The following HCRTR2 variants were observed in gnomAD, a reference collection of about 807,000 sequenced individuals.
HCRTR2 encodes the protein orexin receptor type 2.
A neutral mutation model predicts 49.0 loss-of-function variants in HCRTR2; 22 were observed. The ratio of observed to expected loss-of-function variants is 0.45; its 90% confidence interval spans 0.32 to 0.64. HCRTR2 has a LOEUF of 0.64. Among genes scored for constraint, HCRTR2 ranks in the 30% least tolerant of loss-of-function variants. HCRTR2 has a pLI of 0.04. For synonymous variants in HCRTR2, 236 were observed against 205.3 expected (o/e 1.15, Z -1.28); for missense variants, 491 against 559.4 (o/e 0.88, Z 1.23).
intron 1 of HCRTR2, among the ~76,000 whole-genome samples, chr6:55,198,923 G>A (rs919061480): frequency 1.3e-5 from 2 of 152,128 alleles, no homozygotes; most frequent in Admixed American, 6.5e-5. Context: ...AGATGAAATG[G>A]CCTCAGGCCT....
At chr6:55,139,566 C>T (rs1764479311) in intron 1 of HCRTR2, among the ~76,000 whole-genome samples, 1 of 152,122 alleles carries the variant, frequency 6.6e-6, no homozygotes. Context: ...TCTTTAAGGT[C>T]TCAGCTCCAC....
chr6:55,165,297 T>C (rs1026656397), intron 1 of HCRTR2, among the ~76,000 whole-genome samples: 2 of 152,068 alleles, frequency 1.3e-5, no homozygotes, highest in Middle Eastern at 3.4e-3. Context: ...AGTATTCAAA[T>C]ACAAGGTTAT....
chr6:55,252,669 G>A (rs1766574547), intron 2 of HCRTR2, among the ~76,000 whole-genome samples: 1 of 152,014 alleles, frequency 6.6e-6, no homozygotes, highest in South Asian at 2.1e-4. Flanking sequence ...ATTTCTAGGA[G>A]TCACTAATCA....
At chr6:55,221,109 T>A (rs897026826) in intron 1 of HCRTR2, among the ~76,000 whole-genome samples, 1 of 152,166 alleles carries the variant, frequency 6.6e-6, no homozygotes, top group African/African-American at 2.4e-5. Context: ...CTCGATATTG[T>A]TAAAATGTGC....
At chr6:55,257,221 C>T (rs867038350) in intron 3 of HCRTR2, among the ~76,000 whole-genome samples, 29 of 152,078 alleles carry the variant, frequency 1.9e-4, no homozygotes, top group African/African-American at 4.6e-4. Flanking sequence ...GTCTCTTATA[C>T]GATCCTTTTA....
intron 1 of HCRTR2, among the ~76,000 whole-genome samples, chr6:55,223,145 A>G (rs1765930680): frequency 6.6e-6 from 1 of 152,102 alleles, no homozygotes; most frequent in Admixed American, 6.5e-5. Context: ...TTTGTTTCCC[A>G]TTTTTATGTA....
rs559351507 is a variant in HCRTR2, at chr6:55,131,229, A to G, written c.-378+24684A>G. Among the ~76,000 whole-genome samples the G allele has an allele frequency of 5.9e-5, 9 of 151,862 alleles. 1 individual carries two copies. Among genetic ancestry groups the G allele is most frequent in the Admixed American group, 5.3e-4 (8 of 15,238 alleles). On this transcript the variant is annotated intron_variant, in intron 1 of 7. Transcript: ENST00000615358. ...GTTTTACATATATTATTATTTTATTATTGATAATGAATACACAGTAGTTCC... is the reference window on the plus strand; with the variant it reads ...GTTTTACATATATTATTATTTTATTGTTGATAATGAATACACAGTAGTTCC...
intron 1 of HCRTR2, among the ~76,000 whole-genome samples, chr6:55,129,010 C>T (rs761242465): frequency 7.2e-5 from 11 of 152,092 alleles, no homozygotes; most frequent in Non-Finnish European, 1.6e-4. Flanking sequence ...TCTCCTGGTT[C>T]CCTTCAACAA....
intron 6 of HCRTR2, among the ~76,000 whole-genome samples, chr6:55,281,836 AT>A (rs1767196638): frequency 6.6e-6 from 1 of 152,076 alleles, no homozygotes; most frequent in South Asian, 2.1e-4. Flanking sequence ...TTTTTGTATA[AT>A]TTTGGCTTTG....
chr6:55,267,157 T>C (rs1055724816), intron 4 of HCRTR2, among the ~76,000 whole-genome samples: 1 of 152,148 alleles, frequency 6.6e-6, no homozygotes, highest in East Asian at 1.9e-4. Flanking sequence ...TTAGTGTCTA[T>C]AAACAAAGTT....
chr6:55,213,115 C>A (rs1327539546), intron 1 of HCRTR2, among the ~76,000 whole-genome samples: 1 of 151,760 alleles, frequency 6.6e-6, no homozygotes, highest in Non-Finnish European at 1.5e-5. Context: ...AAGAACAAGA[C>A]AAAGTCAAAC....
At position 55,114,887 on chromosome 6, in the gene HCRTR2, G is replaced by T. The variant is rs138617196; in HGVS notation, c.-378+8342G>T. Among the ~76,000 whole-genome samples the T allele has an allele frequency of 8.1e-3, 1,237 of 151,808 alleles. 10 individuals are homozygous for T. The highest frequency in any genetic ancestry group is 0.061 in the Middle Eastern group (18 of 294). ...TACAAAGTGCAGCACTCAAGTCTAA[G>T]TTTATAATTAAAGGGTGAGTGGGTG... On this transcript the variant is annotated intron_variant, in intron 1 of 7. Transcript: ENST00000615358.
At chr6:55,223,937 A>T (rs1011309445) in intron 1 of HCRTR2, among the ~76,000 whole-genome samples, 2 of 152,216 alleles carry the variant, frequency 1.3e-5, no homozygotes, top group African/African-American at 4.8e-5. Flanking sequence ...ATTTCTACTT[A>T]ATAAGCAATG....
At chr6:55,154,563 T>C (rs1764705226) in intron 1 of HCRTR2, among the ~76,000 whole-genome samples, 1 of 151,740 alleles carries the variant, frequency 6.6e-6, no homozygotes, top group African/African-American at 2.4e-5. Context: ...ATAACAAACT[T>C]TGACGTTGTT....
chr6:55,142,119 A>G (rs1396695279), intron 1 of HCRTR2, among the ~76,000 whole-genome samples: 2 of 152,212 alleles, frequency 1.3e-5, no homozygotes, highest in African/African-American at 4.8e-5. Context: ...AAAACAACTT[A>G]TTGAAGAGAA....
intron 1 of HCRTR2, among the ~76,000 whole-genome samples, chr6:55,246,630 T>C (rs1345660920): frequency 6.6e-6 from 1 of 152,068 alleles, no homozygotes; most frequent in Non-Finnish European, 1.5e-5. Context: ...ATATGGATGA[T>C]ATAGCTTGGT....
intron 1 of HCRTR2, among the ~76,000 whole-genome samples, chr6:55,141,084 C>A (rs534121942): frequency 3.9e-5 from 6 of 151,910 alleles, no homozygotes; most frequent in African/African-American, 1.4e-4. Flanking sequence ...CCTGTAATCC[C>A]AGCACTTTGG....
At chr6:55,245,950 T>A (rs139389058) in intron 1 of HCRTR2, among the ~76,000 whole-genome samples, 47 of 152,196 alleles carry the variant, frequency 3.1e-4, no homozygotes, top group African/African-American at 1.1e-3. Flanking sequence ...AAAGTCATAT[T>A]GCAGTAGGGT....
At chr6:55,163,392 T>C (rs1277002310) in intron 1 of HCRTR2, among the ~76,000 whole-genome samples, 1 of 152,158 alleles carries the variant, frequency 6.6e-6, no homozygotes, top group African/African-American at 2.4e-5. Context: ...AAGGCTACAG[T>C]AACCAAAACA....
Sources: allele counts gnomAD v4.1 joint callset (sites outside exome capture counted in the v4.1 genomes callset), GRCh38; gene constraint gnomAD v4.1.1; transcripts MANE v1.5; gene names NCBI Gene and HGNC (gene_info 2026-07-23, HGNC 2026-07-21).